PCSK6: variants seen among roughly 807,000 people sequenced by gnomAD.
PCSK6 encodes paired basic amino acid cleaving enzyme 4.
Under a neutral mutation model 123.3 loss-of-function variants are expected in PCSK6, and 85 were observed. The ratio of observed to expected loss-of-function variants is 0.69; its 90% CI spans 0.58 to 0.83. The LOEUF (loss-of-function observed/expected upper bound fraction) is 0.83. PCSK6 is among the 40% of genes least tolerant of loss of function. The pLI is 0.00. For synonymous variants in PCSK6, 508 were observed against 516.0 expected (o/e 0.98, Z 0.21); for missense variants, 1,191 against 1,282.3 (o/e 0.93, Z 1.09).
At chr15:101,396,109 C>T (rs1252079955) in intron 7 of PCSK6, among the ~76,000 whole-genome samples, 4 of 151,992 alleles carry the variant, frequency 2.6e-5, no homozygotes, top group African/African-American at 9.7e-5. Flanking sequence ...GAGACAGTTG[C>T]GATTTAAGGT....
At chr15:101,362,788 A>C (rs2041271639) in intron 13 of PCSK6, among the ~76,000 whole-genome samples, 1 of 152,184 alleles carries the variant, frequency 6.6e-6, no homozygotes, top group Admixed American at 6.5e-5. Flanking sequence ...TATTTGTAAG[A>C]GTTAGAGCCA....
intron 1 of PCSK6, among the ~76,000 whole-genome samples, chr15:101,449,724 G>A (rs1304278312): frequency 6.6e-6 from 1 of 152,184 alleles, no homozygotes; most frequent in East Asian, 1.9e-4. Flanking sequence ...GGTGGGTTCT[G>A]AAATCCTCTG....
intron 11 of PCSK6, among the ~76,000 whole-genome samples, chr15:101,374,683 C>T (rs1413231223): frequency 2.0e-5 from 3 of 152,330 alleles, no homozygotes; most frequent in African/African-American, 7.2e-5. Context: ...TCCAGGAAAC[C>T]CTTTCACAGA....
In PCSK6 at chr15:101,386,261, G is replaced by C. The variant is rs111476683; in HGVS notation, c.1311-1836C>G. Among the ~76,000 whole-genome samples, 285 of 152,294 alleles carry C rather than the reference G, an allele frequency of 1.9e-3. 1 individual carries two copies. Among genetic ancestry groups the C allele is most frequent in the Admixed American group, 2.6e-3 (40 of 15,308 alleles). On this transcript the variant is annotated intron_variant, in intron 9 of 21. Transcript: ENST00000611716. Reference sequence around the variant, plus strand: ...GGGGCCTGGAGACGCAGAAGAGAGAGAGCTGAAGTACCCAGCTGCCCCGGC... The same window carrying C: ...GGGGCCTGGAGACGCAGAAGAGAGACAGCTGAAGTACCCAGCTGCCCCGGC...
chr15:101,445,098 G>A (rs1286392473), intron 1 of PCSK6, among the ~76,000 whole-genome samples: 2 of 152,162 alleles, frequency 1.3e-5, no homozygotes, highest in African/African-American at 4.8e-5. Context: ...CATCAAATAC[G>A]AAGACAGTCA....
At chr15:101,412,280 T>C (rs2055715545) in intron 6 of PCSK6, among the ~76,000 whole-genome samples, 2 of 152,166 alleles carry the variant, frequency 1.3e-5, no homozygotes, top group South Asian at 4.1e-4. Flanking sequence ...TCACATGTCA[T>C]TCCAAGAACG....
intron 20 of PCSK6, 54 bp from the exon 21 acceptor site, chr15:101,307,379 G>C: frequency 7.4e-7 from 1 of 1,351,976 alleles, no homozygotes; most frequent in Non-Finnish European, 1.0e-6. Flanking sequence ...CCACCACTCC[G>C]GGCTCCCTTC....
At chr15:101,379,375 G>C (rs1324884722) in intron 11 of PCSK6, among the ~76,000 whole-genome samples, 3 of 152,226 alleles carry the variant, frequency 2.0e-5, no homozygotes, top group Non-Finnish European at 4.4e-5. Flanking sequence ...ACATGCCCCA[G>C]CTAGAGGACT....
intron 2 of PCSK6, among the ~76,000 whole-genome samples, chr15:101,436,055 G>A (rs1015120809): frequency 5.9e-5 from 9 of 152,138 alleles, no homozygotes; most frequent in South Asian, 2.1e-4. Flanking sequence ...TTTCACTCAT[G>A]AGCCAGTGTC....
At position 101,370,358 on chromosome 15, in the gene PCSK6, G is replaced by A; in HGVS notation, c.1698C>T (p.Thr566=). 1 of 1,549,528 alleles carries A rather than the reference G, an allele frequency of 6.5e-7. No individual in the cohort carries two copies. Among genetic ancestry groups the A allele is most frequent in the African/African-American group, 1.4e-5 (1 of 73,232 alleles). Residue 566 remains threonine (T), a synonymous_variant, in exon 12 of 22, where the codon ACC becomes ACT. Coordinates refer to ENST00000611716, the MANE Select transcript of PCSK6 (RefSeq NM_002570.5). ...LQIYLVSPSG[T]KSQLLAKRLL... is the part of the protein sequence containing the mutation. ...ACCTCTTTGCCAGAAGTTGAGACTTGGTTCCCGAGGGAGAAACCAGGTAGA... is the reference window on the plus strand; with the variant it reads ...ACCTCTTTGCCAGAAGTTGAGACTTAGTTCCCGAGGGAGAAACCAGGTAGA...
intron 1 of PCSK6, among the ~76,000 whole-genome samples, chr15:101,479,563 C>T (rs972439087): frequency 1.8e-4 from 27 of 152,048 alleles, no homozygotes; most frequent in Non-Finnish European, 3.2e-4. Context: ...AGAGGCTGGT[C>T]GGACAGGGCT....
chr15:101,376,195 C>T (rs1032454583), intron 11 of PCSK6, among the ~76,000 whole-genome samples: 5 of 152,094 alleles, frequency 3.3e-5, no homozygotes, highest in Non-Finnish European at 5.9e-5. Context: ...TGGGCTCAAG[C>T]GATCCTCCCA....
intron 1 of PCSK6, among the ~76,000 whole-genome samples, chr15:101,443,990 C>T (rs975574323): frequency 5.3e-5 from 8 of 152,296 alleles, no homozygotes; most frequent in Non-Finnish European, 1.2e-4. Flanking sequence ...TCGTTTAGGG[C>T]CAAGAATCCC....
chr15:101,399,772 G>A (rs763711598), intron 6 of PCSK6, among the ~76,000 whole-genome samples: 1 of 151,920 alleles, frequency 6.6e-6, no homozygotes, highest in Non-Finnish European at 1.5e-5. Flanking sequence ...CTTGCCACCC[G>A]ACCCTGGGTC....
chr15:101,442,900 T>C (rs2056793165), intron 2 of PCSK6, among the ~76,000 whole-genome samples: 1 of 152,202 alleles, frequency 6.6e-6, no homozygotes. Context: ...GGCCCTGCTA[T>C]GGACAGAGCC....
chr15:101,336,314 T>C (rs2040475554), intron 13 of PCSK6, among the ~76,000 whole-genome samples: 1 of 152,226 alleles, frequency 6.6e-6, no homozygotes, highest in African/African-American at 2.4e-5. Flanking sequence ...GTAAAGCACT[T>C]AGAATAGAGA....
intron 1 of PCSK6, among the ~76,000 whole-genome samples, chr15:101,456,319 C>T (rs879313788): frequency 4.6e-5 from 7 of 152,184 alleles, no homozygotes; most frequent in African/African-American, 9.6e-5. Context: ...GTGCAGTCAC[C>T]GTCTGTGCGT....
At chr15:101,353,748 G>A (rs138669330) in intron 13 of PCSK6, among the ~76,000 whole-genome samples, 1 of 152,350 alleles carries the variant, frequency 6.6e-6, no homozygotes, top group Non-Finnish European at 1.5e-5. Context: ...TGGGCTGCCT[G>A]TACTGCCTTG....
At chr15:101,484,070 GTATA>G (rs2057959493) in intron 1 of PCSK6, among the ~76,000 whole-genome samples, 1 of 152,164 alleles carries the variant, frequency 6.6e-6, no homozygotes, top group South Asian at 2.1e-4. Context: ...TTATACGTGT[GTATA>G]TATACACACT....
Sources: allele counts gnomAD v4.1 joint callset (sites outside exome capture counted in the v4.1 genomes callset), GRCh38; gene constraint gnomAD v4.1.1; transcripts MANE v1.5; gene names NCBI Gene and HGNC (gene_info 2026-07-23, HGNC 2026-07-21).